ITPRID1: variants seen among roughly 807,000 people sequenced by gnomAD.
ITPRID1 encodes ITPR interacting domain containing 1.
In ITPRID1, 96 loss-of-function variants were observed where a neutral mutation model predicts 95.4. That is an observed-to-expected ratio of 1.01 (90% CI 0.85 to 1.19). The LOEUF (loss-of-function observed/expected upper bound fraction) is 1.19. Ranked by LOEUF, ITPRID1 falls within the 50% of genes most tolerant of loss-of-function variation. The pLI, the probability that ITPRID1 is intolerant of heterozygous loss-of-function variation, is 0.00. For synonymous variants in ITPRID1, 510 were observed against 453.6 expected, an observed-to-expected ratio of 1.12 and a Z score of -1.58; for missense variants, 1,339 against 1,252.9, an observed-to-expected ratio of 1.07 and a Z score of -1.04.
intron 1 of ITPRID1, among the ~76,000 whole-genome samples, chr7:31,527,890 A>G (rs1783472519): frequency 6.6e-6 from 1 of 152,214 alleles, no homozygotes; most frequent in South Asian, 2.1e-4. Context: ...ATGTTGGCAG[A>G]CAGACCTGAA....
Position 31,655,534 on chromosome 7 carries a change from C to T in ITPRID1, c.*2705C>T, listed in dbSNP as rs556266920. 1.8e-4 allele frequency among the ~76,000 whole-genome samples: 27 copies of T among 152,236 alleles called. No individual in the cohort carries two copies. Among genetic ancestry groups the T allele is most frequent in the African/African-American group, 6.5e-4 (27 of 41,544 alleles). On this transcript the variant is annotated 3_prime_UTR_variant, in exon 15 of 15. Coordinates refer to ENST00000615280, the MANE Select transcript of ITPRID1 (RefSeq NM_001257967.3). Reference sequence around the variant, plus strand: ...CCCAGAAAGTACTTTTAGAATAAGCCAGAGAATGAGAGAGAAATCACAGGA... The same window carrying T: ...CCCAGAAAGTACTTTTAGAATAAGCTAGAGAATGAGAGAGAAATCACAGGA...
rs1313494245 is a variant in ITPRID1 at position 31,577,996 on chromosome 7, T to C, written c.732T>C (p.Ser244=). 1.9e-6 allele frequency: 3 copies of C among 1,613,624 alleles called. No individual in the cohort carries two copies. The East Asian group carries it at 6.7e-5, about 36-fold the overall frequency. The change falls in exon 9 of 15, where the codon AGT becomes AGC. Residue 244 remains serine, a synonymous_variant. Coordinates refer to ENST00000615280, the MANE Select transcript of ITPRID1 (RefSeq NM_001257967.3). The part of the protein sequence containing the change: ...GGESVQRTSV[S]AAKEHRRRMG... The stretch of plus-strand genomic sequence containing the variant: ...AGAGTGTGCAAAGAACCTCAGTGAG[T>C]GCCGCCAAAGAGCATCGAAGAAGAA...
chr7:31,517,017 C>G (rs536748396), intron 1 of ITPRID1, among the ~76,000 whole-genome samples: 1 of 152,158 alleles, frequency 6.6e-6, no homozygotes, highest in South Asian at 2.1e-4. Flanking sequence ...AGACCTCTAC[C>G]GTGTTACAGC....
At chr7:31,591,250 G>A (rs1785853221) in intron 10 of ITPRID1, among the ~76,000 whole-genome samples, 2 of 152,058 alleles carry the variant, frequency 1.3e-5, no homozygotes, top group Admixed American at 6.5e-5. Context: ...TTGGTAGAGA[G>A]TTTTTTCTTA....
At chr7:31,569,897 T>C in intron 6 of ITPRID1, 88 bp downstream of exon 6, 1 of 1,077,062 alleles carries the variant, frequency 9.3e-7, no homozygotes, top group African/African-American at 1.6e-5. Context: ...GTTTTCTTAA[T>C]ATTGCCATAG....
intron 10 of ITPRID1, among the ~76,000 whole-genome samples, chr7:31,598,089 C>A (rs1308111471): frequency 3.3e-5 from 5 of 152,070 alleles, no homozygotes; most frequent in African/African-American, 1.2e-4. Context: ...TTGGTTTGGC[C>A]CATACCCAGA....
chr7:31,644,457 G>A (rs894773468), intron 12 of ITPRID1, among the ~76,000 whole-genome samples: 1 of 152,180 alleles, frequency 6.6e-6, no homozygotes, highest in Non-Finnish European at 1.5e-5. Flanking sequence ...GAAATCTCTA[G>A]GTAATGTTAA....
At chr7:31,579,559 C>T (rs1017417990) in intron 9 of ITPRID1, among the ~76,000 whole-genome samples, 24 of 152,200 alleles carry the variant, frequency 1.6e-4, no homozygotes, top group Non-Finnish European at 2.6e-4. Context: ...GACATATTTT[C>T]GGGTATTCCA....
chr7:31,620,458 T>TA (rs1163745552), intron 10 of ITPRID1, among the ~76,000 whole-genome samples: 1 of 149,838 alleles, frequency 6.7e-6, no homozygotes, highest in African/African-American at 2.5e-5. Context: ...TCACGAAAAA[T>TA]ACCTGTTCTG....
At chr7:31,609,754 C>A (rs1213078123) in intron 10 of ITPRID1, among the ~76,000 whole-genome samples, 1 of 151,054 alleles carries the variant, frequency 6.6e-6, no homozygotes, top group Non-Finnish European at 1.5e-5. Flanking sequence ...TTTTAAAATT[C>A]TTTGTATTGT....
chr7:31,577,565 C>A (rs1183070384), intron 8 of ITPRID1, among the ~76,000 whole-genome samples: 1 of 152,118 alleles, frequency 6.6e-6, no homozygotes, highest in Non-Finnish European at 1.5e-5. Context: ...CGATGCCTAC[C>A]GTTTTTAATA....
At chr7:31,527,100 G>A (rs2128128909) in intron 1 of ITPRID1, among the ~76,000 whole-genome samples, 1 of 152,114 alleles carries the variant, frequency 6.6e-6, no homozygotes, top group East Asian at 1.9e-4. Context: ...TCTCTCTCTT[G>A]ACCTCAGACC....
chr7:31,532,089 A>T (rs10250503), intron 1 of ITPRID1, among the ~76,000 whole-genome samples: 88,640 of 151,916 alleles, frequency 0.58, 26,923 homozygotes, highest in Middle Eastern at 0.71. Flanking sequence ...CCTATTGGCA[A>T]TCTGAACTAA....
chr7:31,523,027 T>G (rs1031606346), intron 1 of ITPRID1, among the ~76,000 whole-genome samples: 5 of 152,208 alleles, frequency 3.3e-5, no homozygotes, highest in African/African-American at 4.8e-5. Context: ...ATGTAGATAG[T>G]GAGTTTTTGA....
At chr7:31,625,923 A>C (rs1334250546) in intron 10 of ITPRID1, among the ~76,000 whole-genome samples, 3 of 152,190 alleles carry the variant, frequency 2.0e-5, no homozygotes, top group Admixed American at 2.0e-4. Flanking sequence ...GGTACACCTA[A>C]TGTTAGTAAG....
chr7:31,623,960 A>G (rs1414572834), intron 10 of ITPRID1, among the ~76,000 whole-genome samples: 3 of 149,732 alleles, frequency 2.0e-5, no homozygotes, highest in Non-Finnish European at 4.5e-5. Context: ...AATCACAAGC[A>G]TTCTTATACA....
At chr7:31,524,821 A>G (rs1190159134) in intron 1 of ITPRID1, among the ~76,000 whole-genome samples, 1 of 152,218 alleles carries the variant, frequency 6.6e-6, no homozygotes, top group Non-Finnish European at 1.5e-5. Flanking sequence ...TCTTCATCTT[A>G]CAAAGAGAGT....
At chr7:31,602,537 C>A (rs776724864) in intron 10 of ITPRID1, among the ~76,000 whole-genome samples, 4 of 152,148 alleles carry the variant, frequency 2.6e-5, no homozygotes, top group Non-Finnish European at 5.9e-5. Flanking sequence ...AGCGCCTGCA[C>A]GAGAGGCTGC....
At chr7:31,525,940 A>G (rs1486723109) in intron 1 of ITPRID1, among the ~76,000 whole-genome samples, 4 of 152,072 alleles carry the variant, frequency 2.6e-5, no homozygotes, top group Non-Finnish European at 4.4e-5. Context: ...TTTTCTGGTA[A>G]CTTTCTGGCT....
Sources: gnomAD v4.1 joint callset for allele counts (sites outside exome capture counted in the v4.1 genomes callset) on GRCh38, gnomAD v4.1.1 for gene constraint, MANE v1.5 for transcripts, NCBI Gene and HGNC (gene_info 2026-07-23, HGNC 2026-07-21) for gene names.